KLHDC4: variants seen among roughly 807,000 people sequenced by gnomAD.
KLHDC4 encodes kelch domain-containing protein 4.
A neutral mutation model predicts 62.4 loss-of-function variants in KLHDC4; 90 were observed. The ratio of observed to expected loss-of-function variants is 1.44; its 90% CI spans 1.22 to 1.72. The LOEUF is 1.72. Among genes scored for constraint, KLHDC4 ranks in the 40% most tolerant of loss-of-function variants. The probability of loss-of-function intolerance (pLI) is 0.00; values close to 1 mark genes in which losing one functional copy is unlikely to be tolerated. For synonymous variants in KLHDC4, 386 were observed against 284.4 expected (o/e 1.36, Z -3.59); for missense variants, 1,025 against 699.7 (o/e 1.47, Z -5.25).
At chr16:87,718,981 C>T (rs567405408) in intron 7 of KLHDC4, among the ~76,000 whole-genome samples, 2 of 151,828 alleles carry the variant, frequency 1.3e-5, no homozygotes, top group African/African-American at 4.8e-5. Flanking sequence ...AGGAGCCCCT[C>T]CGCCCGGCAG....
At chr16:87,765,108 C>A (rs1419842632) in intron 1 of KLHDC4, 2 of 455,980 alleles carry the variant, frequency 4.4e-6, no homozygotes, top group Non-Finnish European at 4.4e-6. Flanking sequence ...GCCTGGCGCA[C>A]GGCAGGCCAT....
chr16:87,705,094 G>A (rs1001945177), downstream of KLHDC4, among the ~76,000 whole-genome samples: 2 of 150,334 alleles, frequency 1.3e-5, no homozygotes, highest in African/African-American at 5.0e-5. Flanking sequence ...GGCCGCAGCC[G>A]AGGGAAAGGC....
intron 1 of KLHDC4, among the ~76,000 whole-genome samples, chr16:87,764,830 CAA>C (rs35356541): frequency 1.5e-3 from 118 of 80,466 alleles, no homozygotes; most frequent in Middle Eastern, 6.6e-3. Flanking sequence ...AAGACTCTGT[CAA>C]AAAAAAAAAA....
At chr16:87,714,353 C>CCCCGG in intron 8 of KLHDC4, 145 bp downstream of exon 8, 2 of 990,178 alleles carry the variant, frequency 2.0e-6, no homozygotes, top group African/African-American at 1.7e-5. Flanking sequence ...CGGCCCACCC[C>CCCCGG]GAAATGAGCC....
downstream of KLHDC4, chr16:87,703,287 T>A (rs1444111809): frequency 1.3e-5 from 2 of 151,926 alleles, no homozygotes; most frequent in African/African-American, 4.8e-5. Flanking sequence ...TCAGCGCGCG[T>A]GGGGTCCTGT....
At chr16:87,764,884 C>A (rs1297300123) in intron 1 of KLHDC4, among the ~76,000 whole-genome samples, 1 of 150,186 alleles carries the variant, frequency 6.7e-6, no homozygotes, top group Non-Finnish European at 1.5e-5. Flanking sequence ...GGGAAAAGTC[C>A]AACTCCATTA....
chr16:87,714,194 C>T (rs1567670829), intron 8 of KLHDC4, among the ~76,000 whole-genome samples: 1 of 152,194 alleles, frequency 6.6e-6, no homozygotes, highest in Non-Finnish European at 1.5e-5. Flanking sequence ...TGGAGGGGCC[C>T]ATCAGGAGCT....
intron 8 of KLHDC4, among the ~76,000 whole-genome samples, chr16:87,712,675 G>C (rs1469579915): frequency 6.6e-6 from 1 of 152,266 alleles, no homozygotes; most frequent in African/African-American, 2.4e-5. Flanking sequence ...AGAGGCACCT[G>C]GGCCTTTTGA....
chr16:87,765,986 C>G lies in KLHDC4; in HGVS notation c.-96G>C. 1 of 1,275,142 alleles carries G rather than the reference C, an allele frequency of 7.8e-7. No individual in the cohort carries two copies. The allele number at this position is 1,275,142 out of a possible 1,614,324, so 79.0% of individuals were successfully genotyped here. On this transcript the variant is annotated 5_prime_UTR_variant, in exon 1 of 12. Transcript: ENST00000270583. ...TGCTCGTGGGGCGGAGCTCGGCGCA[C>G]AGAAATGGAGTCACTTCCGGCCCCG...
At chr16:87,765,096 G>A (rs1186018599) in intron 1 of KLHDC4, 2 of 455,888 alleles carry the variant, frequency 4.4e-6, no homozygotes, top group Middle Eastern at 3.3e-4. Context: ...CCAGGGAGCT[G>A]TGCCTGGCGC....
intron 7 of KLHDC4, among the ~76,000 whole-genome samples, chr16:87,717,756 T>A (rs1349202682): frequency 1.4e-5 from 2 of 148,086 alleles, no homozygotes; most frequent in African/African-American, 2.7e-5. Flanking sequence ...AAGGAAGGAA[T>A]TCAGTGACGT....
At chr16:87,712,565 T>G (rs1017952477) in intron 8 of KLHDC4, among the ~76,000 whole-genome samples, 1 of 152,204 alleles carries the variant, frequency 6.6e-6, no homozygotes, top group African/African-American at 2.4e-5. Context: ...CGGGAAACAG[T>G]CCAGCATCCA....
In KLHDC4 at chr16:87,765,471, C is replaced by A. The variant is rs867565293; in HGVS notation, c.99+321G>T. 3.6e-5 allele frequency: 18 copies of A among 505,620 alleles called. No homozygotes were observed. The Middle Eastern group carries it at 2.8e-3, about 79-fold the overall frequency. 31.3% of individuals were successfully genotyped at this position (505,620 alleles called of 1,614,324 possible). A position where few individuals can be genotyped will look rare whatever the true frequency, so the allele number is the denominator to read the frequency against. ...CCCCTCCCTCTTCTCACCACCCAGC[C>A]TCCCTTCAGAGGGAGGGTGGAGGGA... On this transcript the variant is annotated intron_variant, in intron 1 of 11. Coordinates refer to ENST00000270583, the MANE Select transcript of KLHDC4 (RefSeq NM_017566.4).
chr16:87,756,362 G>A (rs375272979), intron 3 of KLHDC4, 37 bp downstream of exon 3: 232 of 1,441,908 alleles, frequency 1.6e-4, no homozygotes, highest in Middle Eastern at 1.7e-4. Context: ...TGATACTCAC[G>A]CAACATGGGA....
intron 1 of KLHDC4, chr16:87,763,449 C>G (rs2046172442): frequency 1.3e-5 from 2 of 151,994 alleles, no homozygotes; most frequent in African/African-American, 2.4e-5. Flanking sequence ...CTAAAAAATA[C>G]AAAAATTAGC....
intron 2 of KLHDC4, among the ~76,000 whole-genome samples, chr16:87,758,293 T>A (rs1215037981): frequency 6.6e-6 from 1 of 152,174 alleles, no homozygotes; most frequent in Non-Finnish European, 1.5e-5. Context: ...AGCCAAACAG[T>A]AGAAATAACC....
intron 6 of KLHDC4, among the ~76,000 whole-genome samples, chr16:87,728,061 C>G (rs892829211): frequency 5.9e-5 from 9 of 152,136 alleles, no homozygotes; most frequent in African/African-American, 2.2e-4. Flanking sequence ...GGGGCGGGTG[C>G]CTATAATCCC....
chr16:87,709,977 G>C, intron 9 of KLHDC4: 1 of 374,710 alleles, frequency 2.7e-6, no homozygotes, highest in South Asian at 5.9e-5. Context: ...CCCACACACA[G>C]GGCACCAGCC....
intron 5 of KLHDC4, among the ~76,000 whole-genome samples, chr16:87,734,632 C>T (rs1026686163): frequency 1.3e-5 from 2 of 152,206 alleles, no homozygotes; most frequent in African/African-American, 4.8e-5. Flanking sequence ...CAGAAGCAAT[C>T]AGTTCCTTTT....
Sources: gnomAD v4.1 joint callset for allele counts (sites outside exome capture counted in the v4.1 genomes callset) on GRCh38, gnomAD v4.1.1 for gene constraint, MANE v1.5 for transcripts, NCBI Gene and HGNC (gene_info 2026-07-23, HGNC 2026-07-21) for gene names.